The following KLHL22 variants were observed in gnomAD, a reference collection of about 807,000 sequenced individuals.
The protein encoded by KLHL22 is kelch like family member 22.
Under a neutral mutation model 60.7 loss-of-function variants are expected in KLHL22, and 18 were observed. The observed-to-expected ratio is 0.30, with a 90% confidence interval of 0.20 to 0.44. KLHL22 has a LOEUF of 0.44. KLHL22 is among the 20% of genes least tolerant of loss of function. The pLI, the probability that KLHL22 is intolerant of heterozygous loss-of-function variation, is 1.00. For synonymous variants in KLHL22, 355 were observed against 354.5 expected, an observed-to-expected ratio of 1.00 and a Z score of -0.01; for missense variants, 596 against 852.3, an observed-to-expected ratio of 0.70 and a Z score of 3.74.
At position 20,465,658 on chromosome 22, in the gene KLHL22, G is replaced by C; in HGVS notation, c.394-82C>G. 1.3e-6 allele frequency: 1 copy of C among 778,832 alleles called. No individual in the cohort carries two copies. Among genetic ancestry groups the C allele is most frequent in the Non-Finnish European group, 2.3e-6 (1 of 427,546 alleles). 48.2% of individuals were successfully genotyped at this position (778,832 alleles called of 1,614,324 possible). ...GGAGAGAGAATGATGGCAGAAATACGGGCTGTTGTGGGCCAGGCAAAGCAG... is the reference window on the plus strand; with the variant it reads ...GGAGAGAGAATGATGGCAGAAATACCGGCTGTTGTGGGCCAGGCAAAGCAG... On this transcript the variant is annotated intron_variant, in intron 3 of 6. Transcript: ENST00000328879. The surrounding 1 kb of genome is among the most constrained non-coding windows in gnomAD (Gnocchi z 4.9).
Position 20,451,787 on chromosome 22 carries a change from G to A in KLHL22, c.1306-5111C>T, listed in dbSNP as rs185494533. The stretch of plus-strand genomic sequence containing the variant: ...GTCGTGACATCCATGGGAACCCAGC[G>A]CTGTGATGCTGGTGTGTGTGTTCTC... On this transcript the variant is annotated intron_variant, in intron 5 of 6. Coordinates refer to ENST00000328879, the MANE Select transcript of KLHL22 (RefSeq NM_032775.4). 231 of 1,599,748 alleles carry A rather than the reference G, an allele frequency of 1.4e-4. 1 individual carries two copies. The African/African-American group carries it at 2.7e-3, about 19-fold the overall frequency.
At chr22:20,444,853 C>T (rs933363926) in intron 6 of KLHL22, among the ~76,000 whole-genome samples, 2 of 151,954 alleles carry the variant, frequency 1.3e-5, no homozygotes, top group South Asian at 2.1e-4. Flanking sequence ...GGCACCATCA[C>T]GGTTCACTGC....
intron 4 of KLHL22, among the ~76,000 whole-genome samples, chr22:20,463,435 C>G (rs954715333): frequency 2.6e-5 from 4 of 152,190 alleles, no homozygotes; most frequent in Non-Finnish European, 4.4e-5. Flanking sequence ...GCTGTCACCC[C>G]CCTAGGGACA....
At chr22:20,451,408 C>A in intron 5 of KLHL22, 1 of 1,609,640 alleles carries the variant, frequency 6.2e-7, no homozygotes, top group Non-Finnish European at 8.5e-7. Flanking sequence ...GATCCACTGT[C>A]TAGGAGGATA....
At chr22:20,460,660 G>A in intron 4 of KLHL22, among the ~76,000 whole-genome samples, 1 of 129,278 alleles carries the variant, frequency 7.7e-6, no homozygotes, top group African/African-American at 2.8e-5. Context: ...CACCAACAGT[G>A]ATACCATATG....
At position 20,460,448 on chromosome 22, in the gene KLHL22, A is replaced by C. The variant is rs534966821; in HGVS notation, c.1113-2448T>G. ...ATGGTGAAACCCCGTCTCCACTAAA[A>C]ATATAAAAAAATTAGCCAGGCATGG... is the stretch of plus-strand genomic sequence containing the variant. On this transcript the variant is annotated intron_variant, in intron 4 of 6. Coordinates refer to ENST00000328879, the MANE Select transcript of KLHL22 (RefSeq NM_032775.4). 3.8e-3 allele frequency among the ~76,000 whole-genome samples: 578 copies of C among 152,030 alleles called. 3 individuals are homozygous for C. Among genetic ancestry groups the C allele is most frequent in the Non-Finnish European group, 5.6e-3 (380 of 67,948 alleles).
intron 2 of KLHL22, chr22:20,483,082 C>T (rs2053531529): frequency 1.5e-6 from 1 of 658,582 alleles, no homozygotes; most frequent in Non-Finnish European, 2.8e-6. Flanking sequence ...CCAGGTGCAG[C>T]AGGATCCCAT....
chr22:20,489,923 TTTAAA>T (rs1383802446), intron 1 of KLHL22: 2 of 386,080 alleles, frequency 5.2e-6, no homozygotes, highest in Non-Finnish European at 1.1e-5. Flanking sequence ...TGCATTGCCT[TTTAAA>T]TTAAAGATTA....
intron 6 of KLHL22, among the ~76,000 whole-genome samples, chr22:20,445,214 T>C (rs1372022485): frequency 6.6e-6 from 1 of 151,280 alleles, no homozygotes; most frequent in Non-Finnish European, 1.5e-5. Context: ...CTCTATTTTT[T>C]TTTTTTTTTT....
At chr22:20,476,203 T>C (rs2053409289) in intron 2 of KLHL22, among the ~76,000 whole-genome samples, 1 of 152,198 alleles carries the variant, frequency 6.6e-6, no homozygotes, top group Non-Finnish European at 1.5e-5. Flanking sequence ...ACTCCATGCA[T>C]GGCCAAGCCC....
At chr22:20,494,082 C>CT (rs547146235) in intron 1 of KLHL22, among the ~76,000 whole-genome samples, 2 of 109,548 alleles carry the variant, frequency 1.8e-5, no homozygotes, top group Non-Finnish European at 3.9e-5. Flanking sequence ...TTGCCCCCCC[C>CT]CCAAAAAAAA....
intron 2 of KLHL22, among the ~76,000 whole-genome samples, chr22:20,474,712 C>T (rs1159242965): frequency 6.6e-6 from 1 of 152,172 alleles, no homozygotes; most frequent in Admixed American, 6.5e-5. Context: ...CTTCTTTAAC[C>T]CATTTCTACA....
At chr22:20,460,473 G>A (rs4820064) in intron 4 of KLHL22, among the ~76,000 whole-genome samples, 15,058 of 151,892 alleles carry the variant, frequency 0.099, 1,243 homozygotes, top group Admixed American at 0.27. Context: ...GCCAGGCATG[G>A]TGGTGTGTGG....
intron 4 of KLHL22, among the ~76,000 whole-genome samples, chr22:20,460,722 T>A (rs1372915133): frequency 1.3e-5 from 2 of 151,536 alleles, no homozygotes; most frequent in Admixed American, 1.3e-4. Flanking sequence ...TTCCCTGTTG[T>A]GTCCTGTATC....
chr22:20,453,560 T>A (rs1355049436), intron 5 of KLHL22, among the ~76,000 whole-genome samples: 2 of 152,214 alleles, frequency 1.3e-5, no homozygotes, highest in Non-Finnish European at 2.9e-5. Flanking sequence ...TGTAGCTATG[T>A]AGTAATCTTG....
chr22:20,446,679 G>C lies in KLHL22; in HGVS notation c.1306-3C>G. On this transcript the variant is annotated splice_polypyrimidine_tract_variant and splice_region_variant and intron_variant, in intron 5 of 6. Coordinates refer to ENST00000328879, the MANE Select transcript of KLHL22 (RefSeq NM_032775.4). Reference sequence around the variant, plus strand: ...GTCGCGCCTGCGTGGGCATACACCTGTGTGGAGCCACCAGGAGAAATGGCG... The same window carrying C: ...GTCGCGCCTGCGTGGGCATACACCTCTGTGGAGCCACCAGGAGAAATGGCG... 6.2e-7 allele frequency: 1 copy of C among 1,607,148 alleles called. No homozygotes were observed. Among genetic ancestry groups the C allele is most frequent in the Non-Finnish European group, 8.5e-7 (1 of 1,178,982 alleles).
In KLHL22 at chr22:20,457,828, C is replaced by T. The variant is rs755219727; in HGVS notation, c.1285G>A (p.Val429Met). Residue 429 changes from valine (V) to methionine (M), a missense_variant, in exon 5 of 7, where the codon GTG becomes ATG. Val to Met is a conservative substitution (Grantham distance 21, BLOSUM62 1). Transcript: ENST00000328879. ...YDPATNSWAYVAPLKREVYAH... is the reference protein window; with the variant it reads ...YDPATNSWAYMAPLKREVYAH... Reference sequence around the variant, plus strand: ...CTTACCTCCCTCTTGAGTGGGGCCACGTATGCCCAGGAGTTGGTGGCAGGG... The same window carrying T: ...CTTACCTCCCTCTTGAGTGGGGCCATGTATGCCCAGGAGTTGGTGGCAGGG... The T allele has an allele frequency of 7.5e-6, 12 of 1,604,620 alleles. No homozygotes were observed. The highest frequency in any genetic ancestry group is 1.1e-5 in the South Asian group (1 of 89,364).
At position 20,483,789 on chromosome 22, in the gene KLHL22, C is replaced by T. The variant is rs150918636; in HGVS notation, c.227+5196G>A. On this transcript the variant is annotated intron_variant, in intron 2 of 6. Coordinates refer to ENST00000328879, the MANE Select transcript of KLHL22 (RefSeq NM_032775.4). Reference sequence around the variant, plus strand: ...CTTCTGGATTTTGCTCTCCAGCTTCCGGTTCTCGGTCTCCAGGCTCCTCGC... The same window carrying T: ...CTTCTGGATTTTGCTCTCCAGCTTCTGGTTCTCGGTCTCCAGGCTCCTCGC... The T allele has an allele frequency of 1.5e-4, 108 of 744,258 alleles. 1 individual carries two copies. The African/African-American group carries it at 1.5e-3, about 11-fold the overall frequency. The allele number at this position is 744,258 out of a possible 1,614,324, so 46.1% of individuals were successfully genotyped here. A position where few individuals can be genotyped will look rare whatever the true frequency, so the allele number is the denominator to read the frequency against.
intron 2 of KLHL22, among the ~76,000 whole-genome samples, chr22:20,476,972 G>A (rs2053425464): frequency 6.6e-6 from 1 of 150,888 alleles, no homozygotes; most frequent in African/African-American, 2.4e-5. Flanking sequence ...CTCCCATAGT[G>A]CTGGATTACA....
Sources: gnomAD v4.1 joint callset for allele counts (sites outside exome capture counted in the v4.1 genomes callset) on GRCh38, gnomAD v4.1.1 for gene constraint, Gnocchi (gnomAD v3.1) non-coding constraint, MANE v1.5 for transcripts, NCBI Gene and HGNC (gene_info 2026-07-23, HGNC 2026-07-21) for gene names.